The following KIAA1328 variants were observed in gnomAD, a reference collection of about 807,000 sequenced individuals.
KIAA1328 encodes the protein protein hinderin.
A neutral mutation model predicts 68.1 loss-of-function variants in KIAA1328; 52 were observed. The observed-to-expected ratio is 0.76, with a 90% confidence interval of 0.61 to 0.96. The LOEUF (loss-of-function observed/expected upper bound fraction) is 0.96, where lower values mean the gene tolerates loss of function less well. KIAA1328 is among the 40% of genes least tolerant of loss of function. The pLI, the probability that KIAA1328 is intolerant of heterozygous loss-of-function variation, is 0.00. For missense variants in KIAA1328, 641 were observed against 677.6 expected (o/e 0.95, Z 0.60); for synonymous variants, 232 against 239.4 (o/e 0.97, Z 0.28).
At chr18:36,917,415 T>C (rs574955315) in intron 5 of KIAA1328, among the ~76,000 whole-genome samples, 10 of 152,066 alleles carry the variant, frequency 6.6e-5, no homozygotes, top group Admixed American at 2.0e-4. Context: ...AGAGATGGGG[T>C]CTCACTATGT....
At chr18:36,942,151 G>T (rs1436886288) in intron 5 of KIAA1328, among the ~76,000 whole-genome samples, 2 of 152,144 alleles carry the variant, frequency 1.3e-5, no homozygotes, top group Non-Finnish European at 2.9e-5. Flanking sequence ...AGTAGGTATG[G>T]CTTATAACAC....
chr18:36,979,052 G>A (rs539052026), intron 6 of KIAA1328, among the ~76,000 whole-genome samples: 43 of 152,162 alleles, frequency 2.8e-4, no homozygotes, highest in Non-Finnish European at 5.4e-4. Flanking sequence ...CCAGCTACTC[G>A]GGAGGCTGAA....
intron 6 of KIAA1328, among the ~76,000 whole-genome samples, chr18:36,993,435 T>C (rs1209299183): frequency 2.0e-5 from 3 of 152,200 alleles, no homozygotes; most frequent in Non-Finnish European, 2.9e-5. Context: ...ATACAAATGC[T>C]AAAACCTTGA....
At chr18:37,177,907 T>C (rs1165779877) in intron 9 of KIAA1328, among the ~76,000 whole-genome samples, 1 of 152,176 alleles carries the variant, frequency 6.6e-6, no homozygotes, top group Non-Finnish European at 1.5e-5. Flanking sequence ...ATATATTGTG[T>C]AATGATCAAA....
chr18:37,024,347 T>C (rs570037114), intron 6 of KIAA1328, among the ~76,000 whole-genome samples: 4 of 138,022 alleles, frequency 2.9e-5, no homozygotes, highest in Non-Finnish European at 6.2e-5. Context: ...TTTATGTATA[T>C]ATTTATTATT....
At chr18:37,055,851 C>T (rs1244358308) in intron 6 of KIAA1328, among the ~76,000 whole-genome samples, 9 of 152,066 alleles carry the variant, frequency 5.9e-5, no homozygotes. Context: ...TTATAGGGTG[C>T]TTATCAGGAT....
intron 4 of KIAA1328, among the ~76,000 whole-genome samples, chr18:36,879,740 C>A (rs2048266725): frequency 6.6e-6 from 1 of 152,176 alleles, no homozygotes; most frequent in Non-Finnish European, 1.5e-5. Flanking sequence ...GAGGAAGAAT[C>A]TAGAGAGGCA....
At chr18:36,872,051 T>C (rs2047963378) in intron 4 of KIAA1328, among the ~76,000 whole-genome samples, 1 of 152,132 alleles carries the variant, frequency 6.6e-6, no homozygotes, top group Admixed American at 6.6e-5. Flanking sequence ...AGTTCCTGGG[T>C]CCTTCTCCTC....
intron 7 of KIAA1328, among the ~76,000 whole-genome samples, chr18:37,077,763 A>C (rs1310988907): frequency 2.7e-5 from 4 of 146,048 alleles, no homozygotes; most frequent in Non-Finnish European, 4.5e-5. Flanking sequence ...TAGGAATCCA[A>C]CTTACAAGGG....
intron 8 of KIAA1328, among the ~76,000 whole-genome samples, chr18:37,165,726 G>A (rs2059376347): frequency 1.3e-5 from 2 of 151,662 alleles, no homozygotes; most frequent in Non-Finnish European, 2.9e-5. Flanking sequence ...CGAGTAGCTG[G>A]GACTACAGGC....
chr18:36,869,666 TGTA>T (rs2150923703), intron 4 of KIAA1328, among the ~76,000 whole-genome samples: 1 of 152,318 alleles, frequency 6.6e-6, no homozygotes, highest in African/African-American at 2.4e-5. Flanking sequence ...ATATGCCTGT[TGTA>T]GTGAATTTAG....
chr18:37,100,176 G>A (rs1322016227), intron 7 of KIAA1328, among the ~76,000 whole-genome samples: 1 of 152,230 alleles, frequency 6.6e-6, no homozygotes. Flanking sequence ...AGTGGGCGCA[G>A]GGCTGTGGGT....
chr18:37,070,977 C>CA (rs1457254750), intron 7 of KIAA1328, among the ~76,000 whole-genome samples: 2 of 151,008 alleles, frequency 1.3e-5, no homozygotes, highest in African/African-American at 4.9e-5. Context: ...TTCTTAGACA[C>CA]AGCATTTGAG....
At chr18:37,042,774 GT>G (rs141514835) in intron 6 of KIAA1328, among the ~76,000 whole-genome samples, 1,704 of 152,094 alleles carry the variant, frequency 0.011, 24 homozygotes, top group African/African-American at 0.038. Flanking sequence ...GCCGATTAAT[GT>G]TTTTCTGGTC....
intron 6 of KIAA1328, among the ~76,000 whole-genome samples, chr18:36,994,423 A>G (rs1313450648): frequency 6.6e-6 from 1 of 152,190 alleles, no homozygotes; most frequent in Non-Finnish European, 1.5e-5. Context: ...CAGGAGTCAT[A>G]ATCTCAGTGG....
chr18:36,863,093 T>G (rs1459641456), intron 4 of KIAA1328, among the ~76,000 whole-genome samples: 1 of 152,192 alleles, frequency 6.6e-6, no homozygotes, highest in East Asian at 1.9e-4. Context: ...TTGCAAATAC[T>G]TTTATCTAGT....
intron 6 of KIAA1328, among the ~76,000 whole-genome samples, chr18:37,033,391 G>A (rs1034069814): frequency 5.3e-5 from 8 of 152,132 alleles, no homozygotes; most frequent in Non-Finnish European, 1.0e-4. Flanking sequence ...TATTCTGACA[G>A]GCATTTAAGT....
chr18:37,118,907 T>G (rs893839416), intron 7 of KIAA1328, among the ~76,000 whole-genome samples: 2 of 152,196 alleles, frequency 1.3e-5, no homozygotes, highest in African/African-American at 4.8e-5. Context: ...GACCTTTCCC[T>G]AGTCCCACAA....
intron 6 of KIAA1328, among the ~76,000 whole-genome samples, chr18:36,998,532 G>A (rs1403443995): frequency 6.6e-6 from 1 of 152,150 alleles, no homozygotes; most frequent in African/African-American, 2.4e-5. Context: ...CACAAAGATA[G>A]GCATGCTTAG....
Sources: gnomAD v4.1 joint callset for allele counts (sites outside exome capture counted in the v4.1 genomes callset) on GRCh38, gnomAD v4.1.1 for gene constraint, MANE v1.5 for transcripts, NCBI Gene and HGNC (gene_info 2026-07-23, HGNC 2026-07-21) for gene names.